Variants in CTNNA1 observed in about 807,000 individuals in gnomAD.
CTNNA1 encodes the protein catenin alpha 1.
A neutral mutation model predicts 98.4 loss-of-function variants in CTNNA1; 37 were observed. The ratio of observed to expected loss-of-function variants is 0.38; its 90% CI spans 0.29 to 0.49. The LOEUF is 0.49. Among genes scored for constraint, CTNNA1 ranks in the 20% least tolerant of loss-of-function variants. CTNNA1 has a pLI of 0.95. For synonymous variants in CTNNA1, 404 were observed against 413.2 expected, an observed-to-expected ratio of 0.98 and a Z score of 0.27; for missense variants, 761 against 1,147.2, an observed-to-expected ratio of 0.66 and a Z score of 4.86.
At position 138,919,410 on chromosome 5, in the gene CTNNA1, CA is replaced by C. The variant is rs201115737; in HGVS notation, c.1546+1513del. Among the ~76,000 whole-genome samples, 531 of 152,306 alleles carry C rather than the reference CA, an allele frequency of 3.5e-3. 2 individuals carry two copies. The highest frequency in any genetic ancestry group is 0.011 in the African/African-American group (452 of 41,558). ...CTCAAGGGATTTTCAGTCCTCCTTA[CA>C]GCCAAATAAAATGTAACAGCATCAG... On this transcript the variant is annotated intron_variant, in intron 11 of 17. Transcript: ENST00000302763.
At chr5:138,863,666 C>T (rs1480231341) in intron 7 of CTNNA1, among the ~76,000 whole-genome samples, 1 of 152,224 alleles carries the variant, frequency 6.6e-6, no homozygotes, top group Non-Finnish European at 1.5e-5. Context: ...TTCTTCTTGC[C>T]TGCTGCACAG....
intron 13 of CTNNA1, among the ~76,000 whole-genome samples, chr5:138,928,826 T>C (rs993281273): frequency 6.6e-6 from 1 of 152,032 alleles, no homozygotes; most frequent in Non-Finnish European, 1.5e-5. Context: ...TCCCAGCCAC[T>C]TGGGAGGCTG....
intron 3 of CTNNA1, among the ~76,000 whole-genome samples, chr5:138,787,159 G>A (rs889062510): frequency 6.6e-6 from 1 of 152,180 alleles, no homozygotes; most frequent in Non-Finnish European, 1.5e-5. Flanking sequence ...GGCTGGGTGC[G>A]ATGGCTCACG....
rs1760594204 is a variant in CTNNA1, at chr5:138,911,390, G to T, written c.1390-6352G>T. The stretch of plus-strand genomic sequence containing the variant: ...GAATGTATCACCTCACATGGCAAAG[G>T]GGACTCTGCAGGGATGAATAAATTA... On this transcript the variant is annotated intron_variant, in intron 10 of 17. Coordinates refer to ENST00000302763, the MANE Select transcript of CTNNA1 (RefSeq NM_001903.5). Among the ~76,000 whole-genome samples, 4 of 152,152 alleles carry T rather than the reference G, an allele frequency of 2.6e-5. No individual in the cohort carries two copies. The South Asian group carries it at 8.3e-4, about 32-fold the overall frequency.
At chr5:138,933,641 G>T (rs1041409550) in intron 17 of CTNNA1, among the ~76,000 whole-genome samples, 161 bp from the exon 18 acceptor site, 1 of 152,218 alleles carries the variant, frequency 6.6e-6, no homozygotes, top group Non-Finnish European at 1.5e-5. Flanking sequence ...AGCAGCCGTT[G>T]AGGGTGTTCT....
intron 7 of CTNNA1, among the ~76,000 whole-genome samples, chr5:138,860,894 T>C (rs892994124): frequency 1.3e-5 from 2 of 152,184 alleles, no homozygotes; most frequent in East Asian, 1.9e-4. Context: ...GATGTGGTAT[T>C]GTCCCATTTG....
In CTNNA1 at chr5:138,917,792, C is replaced by T. The variant is rs767707498; in HGVS notation, c.1440C>T (p.Ala480=). ...CAGCAAAACCACAGAGTAAACTGGCCCAAGAGAACATGGATCTTTTTAAAG... is the reference window on the plus strand; with the variant it reads ...CAGCAAAACCACAGAGTAAACTGGCTCAAGAGAACATGGATCTTTTTAAAG... The part of the protein sequence containing the change: ...ALAAKPQSKL[A]QENMDLFKEQ... The change falls in exon 11 of 18, where the codon GCC becomes GCT. Residue 480 remains alanine (A), a synonymous_variant. Transcript: ENST00000302763. The T allele has an allele frequency of 9.3e-6, 15 of 1,613,886 alleles. No homozygotes were observed. Among genetic ancestry groups the T allele is most frequent in the Non-Finnish European group, 1.3e-5 (15 of 1,180,004 alleles).
chr5:138,758,608 C>T (rs1050912726), intron 1 of CTNNA1, among the ~76,000 whole-genome samples: 6 of 152,136 alleles, frequency 3.9e-5, no homozygotes, highest in African/African-American at 1.4e-4. Context: ...ATCTCTTGAC[C>T]TCGTGATCTG....
chr5:138,823,732 CGGATCACGA>C (rs1760292443), intron 5 of CTNNA1, among the ~76,000 whole-genome samples: 1 of 151,692 alleles, frequency 6.6e-6, no homozygotes, highest in Non-Finnish European at 1.5e-5. Flanking sequence ...CCGAGGCGGG[CGGATCACGA>C]GGTCAGGAGA....
chr5:138,903,626 G>GT (rs1354548314), intron 9 of CTNNA1, among the ~76,000 whole-genome samples: 1 of 152,236 alleles, frequency 6.6e-6, no homozygotes, highest in Non-Finnish European at 1.5e-5. Flanking sequence ...CACGTGAGCT[G>GT]TATCATTGAG....
At chr5:138,865,704 A>G (rs1427408729) in intron 7 of CTNNA1, among the ~76,000 whole-genome samples, 3 of 152,226 alleles carry the variant, frequency 2.0e-5, no homozygotes, top group Non-Finnish European at 4.4e-5. Flanking sequence ...GTGGACTCAC[A>G]TACAATATTG....
chr5:138,829,831 C>T (rs1220869855), intron 7 of CTNNA1, among the ~76,000 whole-genome samples: 1 of 152,148 alleles, frequency 6.6e-6, no homozygotes, highest in African/African-American at 2.4e-5. Flanking sequence ...GCAGACGGAT[C>T]ACAAGGTCAG....
intron 3 of CTNNA1, among the ~76,000 whole-genome samples, chr5:138,801,177 C>T (rs1053849824): frequency 1.4e-4 from 21 of 152,140 alleles, no homozygotes; most frequent in Admixed American, 3.9e-4. Flanking sequence ...TAGGAGATGG[C>T]TACAAAATTA....
At chr5:138,759,502 G>C (rs1032924037) in intron 1 of CTNNA1, among the ~76,000 whole-genome samples, 4 of 152,212 alleles carry the variant, frequency 2.6e-5, no homozygotes, top group Non-Finnish European at 4.4e-5. Context: ...GTAGGGAGGT[G>C]GGGGCCCTTG....
At chr5:138,837,938 G>A (rs766802867) in intron 7 of CTNNA1, among the ~76,000 whole-genome samples, 3 of 151,674 alleles carry the variant, frequency 2.0e-5, no homozygotes, top group Non-Finnish European at 4.4e-5. Context: ...AGTTTCTAAA[G>A]AGACCGCATG....
chr5:138,850,141 A>G (rs1043593624), intron 7 of CTNNA1, among the ~76,000 whole-genome samples: 1 of 152,122 alleles, frequency 6.6e-6, no homozygotes, highest in African/African-American at 2.4e-5. Context: ...ATGTTTTCCT[A>G]ATGTTTATTT....
At chr5:138,785,069 T>TG (rs1397667136) in intron 3 of CTNNA1, among the ~76,000 whole-genome samples, 1 of 150,870 alleles carries the variant, frequency 6.6e-6, no homozygotes, top group Non-Finnish European at 1.5e-5. Context: ...AATTAATTTT[T>TG]TTTTTTTTTT....
intron 10 of CTNNA1, among the ~76,000 whole-genome samples, chr5:138,912,895 C>T (rs921877617): frequency 2.0e-5 from 3 of 152,226 alleles, no homozygotes; most frequent in Admixed American, 2.0e-4. Context: ...TTACCTAATA[C>T]TGTATATTTA....
At chr5:138,899,813 A>G (rs376828597) in intron 9 of CTNNA1, among the ~76,000 whole-genome samples, 1 of 152,242 alleles carries the variant, frequency 6.6e-6, no homozygotes, top group African/African-American at 2.4e-5. Context: ...TGCATTAAAA[A>G]TTGAAAAAGC....
Sources: gnomAD v4.1 joint callset for allele counts (sites outside exome capture counted in the v4.1 genomes callset) on GRCh38, gnomAD v4.1.1 for gene constraint, MANE v1.5 for transcripts, NCBI Gene and HGNC (gene_info 2026-07-23, HGNC 2026-07-21) for gene names.